The following PALLD variants were observed in gnomAD, a reference collection of about 807,000 sequenced individuals.
PALLD encodes the protein palladin, cytoskeletal associated protein.
PALLD carries 61 observed loss-of-function variants against 123.5 expected under a neutral mutation model. The ratio of observed to expected loss-of-function variants is 0.49; its 90% CI spans 0.40 to 0.61. The LOEUF (loss-of-function observed/expected upper bound fraction) is 0.61, where lower values mean the gene tolerates loss of function less well. Among genes scored for constraint, PALLD ranks in the 20% least tolerant of loss-of-function variants. The pLI is 0.00. For missense variants in PALLD, 1,273 were observed against 1,377.0 expected (o/e 0.92, Z 1.20); for synonymous variants, 465 against 496.4 (o/e 0.94, Z 0.84).
chr4:168,715,946 T>C (rs985902877), intron 10 of PALLD, among the ~76,000 whole-genome samples: 4 of 149,966 alleles, frequency 2.7e-5, no homozygotes, highest in Non-Finnish European at 5.9e-5. Context: ...CGACACTCCA[T>C]CTCAAAAAAA....
chr4:168,798,844 A>T (rs148205161), intron 10 of PALLD, among the ~76,000 whole-genome samples: 2,082 of 152,346 alleles, frequency 0.014, 24 homozygotes, highest in Non-Finnish European at 0.022. Flanking sequence ...GCGTGAGAGA[A>T]TTCATAGTTA....
chr4:168,685,273 A>G (rs1191118380), intron 5 of PALLD, among the ~76,000 whole-genome samples: 1 of 152,204 alleles, frequency 6.6e-6, no homozygotes, highest in Non-Finnish European at 1.5e-5. Flanking sequence ...TACCTTGAAT[A>G]TCCTTTTGAA....
intron 19 of PALLD, among the ~76,000 whole-genome samples, 196 bp from the exon 20 acceptor site, chr4:168,924,749 G>A (rs1354468961): frequency 2.0e-5 from 3 of 152,212 alleles, no homozygotes; most frequent in African/African-American, 7.2e-5. Flanking sequence ...TAAGCACACA[G>A]ATGTATTCAA....
chr4:168,681,546 T>TC, intron 4 of PALLD, 148 bp downstream of exon 4: 1 of 529,602 alleles, frequency 1.9e-6, no homozygotes, highest in Non-Finnish European at 3.3e-6. Context: ...CACAATTTTT[T>TC]TTTTTTTTTT....
chr4:168,826,548 T>A (rs1743442825), intron 10 of PALLD, among the ~76,000 whole-genome samples: 1 of 152,222 alleles, frequency 6.6e-6, no homozygotes, highest in Admixed American at 6.5e-5. Context: ...TATAGTCAGA[T>A]AAACAGGAGA....
At chr4:168,605,823 A>G (rs1580539221) in intron 2 of PALLD, among the ~76,000 whole-genome samples, 1 of 152,374 alleles carries the variant, frequency 6.6e-6, no homozygotes, top group East Asian at 1.9e-4. Flanking sequence ...AAGATATTAT[A>G]TATTGAAGGA....
intron 10 of PALLD, among the ~76,000 whole-genome samples, chr4:168,792,182 T>A (rs928013893): frequency 5.3e-5 from 8 of 152,128 alleles, no homozygotes; most frequent in African/African-American, 1.4e-4. Flanking sequence ...GAGGTACACA[T>A]CACTGGATCA....
chr4:168,556,421 C>T (rs996118106), intron 2 of PALLD, among the ~76,000 whole-genome samples: 14 of 152,022 alleles, frequency 9.2e-5, no homozygotes, highest in Non-Finnish European at 1.8e-4. Context: ...AAATAGGGAC[C>T]AGAAGTTGAA....
At chr4:168,577,629 A>G (rs182021133) in intron 2 of PALLD, among the ~76,000 whole-genome samples, 9 of 152,250 alleles carry the variant, frequency 5.9e-5, no homozygotes, top group Non-Finnish European at 1.3e-4. Context: ...AGTCAAGAGT[A>G]GAGAGGCAAT....
chr4:168,520,671 C>A (rs546185538), intron 2 of PALLD, among the ~76,000 whole-genome samples: 1 of 152,264 alleles, frequency 6.6e-6, no homozygotes, highest in South Asian at 2.1e-4. Context: ...GGAAATATTG[C>A]CCCTGTTGCA....
chr4:168,570,790 A>G (rs892363235), intron 2 of PALLD, among the ~76,000 whole-genome samples: 1 of 152,156 alleles, frequency 6.6e-6, no homozygotes, highest in African/African-American at 2.4e-5. Context: ...TGGGAAACAC[A>G]GCTGTTCACA....
chr4:168,662,173 A>G (rs1382006601), intron 2 of PALLD, among the ~76,000 whole-genome samples: 1 of 152,202 alleles, frequency 6.6e-6, no homozygotes, highest in East Asian at 1.9e-4. Flanking sequence ...CCCAGATACT[A>G]TTCACTAGAT....
chr4:168,612,487 A>G (rs1184319099), intron 2 of PALLD, among the ~76,000 whole-genome samples: 1 of 152,132 alleles, frequency 6.6e-6, no homozygotes, highest in East Asian at 1.9e-4. Context: ...CCTTGCTCCA[A>G]TCTGTCCAGC....
At chr4:168,840,666 A>G (rs2150922825) in intron 10 of PALLD, among the ~76,000 whole-genome samples, 1 of 152,316 alleles carries the variant, frequency 6.6e-6, no homozygotes, top group South Asian at 2.1e-4. Context: ...GAATGATTTT[A>G]TATTGAGAGA....
At chr4:168,924,836 C>G (rs1303593774) in intron 19 of PALLD, 109 bp from the exon 20 acceptor site, 1 of 1,075,074 alleles carries the variant, frequency 9.3e-7, no homozygotes, top group Admixed American at 1.8e-5. Context: ...ACCCTATTAT[C>G]AGCTACTTGC....
At chr4:168,705,658 C>T (rs7661567) in intron 8 of PALLD, among the ~76,000 whole-genome samples, 1 of 152,224 alleles carries the variant, frequency 6.6e-6, no homozygotes, top group Non-Finnish European at 1.5e-5. Flanking sequence ...TCTTTTGAGA[C>T]AGAGTTTCAC....
chr4:168,528,809 C>T (rs1027253434), intron 2 of PALLD, among the ~76,000 whole-genome samples: 1 of 152,180 alleles, frequency 6.6e-6, no homozygotes, highest in Non-Finnish European at 1.5e-5. Flanking sequence ...CTCTCACTTA[C>T]TAGTCTATTT....
intron 10 of PALLD, among the ~76,000 whole-genome samples, chr4:168,719,853 A>G (rs1785814747): frequency 6.6e-6 from 1 of 152,018 alleles, no homozygotes; most frequent in Non-Finnish European, 1.5e-5. Context: ...TTCCTGTGTT[A>G]GTTTGCTTAG....
intron 10 of PALLD, among the ~76,000 whole-genome samples, chr4:168,868,894 C>A (rs946936375): frequency 3.3e-5 from 5 of 152,150 alleles, no homozygotes; most frequent in African/African-American, 1.2e-4. Flanking sequence ...GAAGTTCTCA[C>A]CAAGTACTGA....
Sources: allele counts gnomAD v4.1 joint callset (sites outside exome capture counted in the v4.1 genomes callset), GRCh38; gene constraint gnomAD v4.1.1; transcripts MANE v1.5; gene names NCBI Gene and HGNC (gene_info 2026-07-23, HGNC 2026-07-21).